The following ZNF536 variants were observed in gnomAD, a reference collection of about 807,000 sequenced individuals.
The protein encoded by ZNF536 is zinc finger protein 536.
ZNF536 carries 13 observed loss-of-function variants against 84.5 expected under a neutral mutation model. The observed-to-expected ratio is 0.15, with a 90% confidence interval of 0.10 to 0.24. ZNF536 has a LOEUF of 0.24. Among genes scored for constraint, ZNF536 ranks in the 10% least tolerant of loss-of-function variants. The pLI, the probability that ZNF536 is intolerant of heterozygous loss-of-function variation, is 1.00. For missense variants in ZNF536, 1,536 were observed against 1,747.5 expected, an observed-to-expected ratio of 0.88 and a Z score of 2.16; for synonymous variants, 811 against 742.5, an observed-to-expected ratio of 1.09 and a Z score of -1.50.
intron 2 of ZNF536, among the ~76,000 whole-genome samples, chr19:30,505,328 AAT>A (rs1301426744): frequency 6.8e-6 from 1 of 146,864 alleles, no homozygotes; most frequent in Non-Finnish European, 1.5e-5. Flanking sequence ...ATATTATTAT[AAT>A]ATATATTTTA....
At chr19:30,605,290 C>T (rs923596929) in intron 1 of ZNF536, among the ~76,000 whole-genome samples, 4 of 152,090 alleles carry the variant, frequency 2.6e-5, no homozygotes, top group South Asian at 2.1e-4. Context: ...ATCACCCAAG[C>T]AGAGTACCCC....
At chr19:30,540,015 G>A (rs1047192971) in intron 3 of ZNF536, among the ~76,000 whole-genome samples, 4 of 152,196 alleles carry the variant, frequency 2.6e-5, no homozygotes, top group Non-Finnish European at 5.9e-5. Flanking sequence ...TCTCCCTCTC[G>A]AGTTCTGTGA....
At chr19:30,505,040 G>C (rs1436700875) in intron 2 of ZNF536, among the ~76,000 whole-genome samples, 6 of 152,000 alleles carry the variant, frequency 3.9e-5, no homozygotes, top group Non-Finnish European at 1.5e-5. Context: ...ATAACAATGA[G>C]TATTGTATAT....
chr19:30,530,361 T>G (rs1350017427), intron 2 of ZNF536, among the ~76,000 whole-genome samples: 1 of 140,314 alleles, frequency 7.1e-6, no homozygotes, highest in Non-Finnish European at 1.6e-5. Flanking sequence ...TGTTGTTGTT[T>G]TTGAGATGGA....
intron 3 of ZNF536, among the ~76,000 whole-genome samples, chr19:30,364,241 C>T (rs2048358534): frequency 6.6e-6 from 1 of 152,000 alleles, no homozygotes; most frequent in Non-Finnish European, 1.5e-5. Context: ...AGAGAGTCAC[C>T]CTAGCCAGGC....
Position 30,444,130 on chromosome 19 carries a change from G to C in ZNF536, c.568G>C (p.Gly190Arg). The C allele has an allele frequency of 6.2e-7, 1 of 1,608,584 alleles. No homozygotes were observed. The highest frequency in any genetic ancestry group is 1.1e-5 in the South Asian group (1 of 90,564). Residue 190 changes from glycine (G) to arginine (R), a missense_variant, in exon 2 of 5, where the codon GGG becomes CGG. This residue lies in a region of ZNF536 where 138 missense variants were observed against 136.8 expected (regional missense o/e 1.01). Transcript: ENST00000355537. ...GCTGGGCAACCTGGGCAAGGGGCGTGGGCGTGTGCGCGAGGAGAACCGCCT... is the reference window on the plus strand; with the variant it reads ...GCTGGGCAACCTGGGCAAGGGGCGTCGGCGTGTGCGCGAGGAGAACCGCCT... ...HKLGNLGKGR[G>R]RVREENRLLH...
chr19:30,647,361 G>A (rs1375976586), intron 1 of ZNF536, among the ~76,000 whole-genome samples: 1 of 152,094 alleles, frequency 6.6e-6, no homozygotes, highest in Admixed American at 6.5e-5. Flanking sequence ...CCGTTTCCCT[G>A]GGTGTTTTTA....
intron 4 of ZNF536, among the ~76,000 whole-genome samples, chr19:30,552,883 A>G (rs1004717461): frequency 6.6e-5 from 10 of 152,180 alleles, no homozygotes; most frequent in Admixed American, 5.9e-4. Flanking sequence ...GACATATTAC[A>G]ATAATCCCAA....
chr19:30,552,028 G>A (rs1203859759), intron 4 of ZNF536, among the ~76,000 whole-genome samples: 1 of 151,516 alleles, frequency 6.6e-6, no homozygotes, highest in African/African-American at 2.4e-5. Flanking sequence ...AAATCCAAAT[G>A]GGCTGTTTTT....
rs556835599 is a variant in ZNF536, at chr19:30,617,333, C to CTTTTTTTTTTTTTTTTTTTTTTTTTTTTT, written c.169+67824_169+67852dup. 2.1e-4 allele frequency among the ~76,000 whole-genome samples: 8 copies of CTTTTTTTTTTTTTTTTTTTTTTTTTTTTT among 37,712 alleles called. 3 individuals are homozygous for CTTTTTTTTTTTTTTTTTTTTTTTTTTTTT. The highest frequency in any genetic ancestry group is 2.9e-4 in the Non-Finnish European group (5 of 16,966). The allele number at this position is 37,712 out of a possible 152,430, so 24.7% of individuals were successfully genotyped here. A position where few individuals can be genotyped will look rare whatever the true frequency, so the allele number is the denominator to read the frequency against. On this transcript the variant is annotated intron_variant, in intron 1 of 1. Transcript: ENST00000592773. Reference sequence around the variant, plus strand: ...GAGTCCACCATATCTGAATAGCTTACTTTTTTTTTTTTTTTTTTTTTTTTT... The same window carrying CTTTTTTTTTTTTTTTTTTTTTTTTTTTTT: ...GAGTCCACCATATCTGAATAGCTTACTTTTTTTTTTTTTTTTTTTTTTTTTTTTTTTTTTTTTTTTTTTTTTTTTTTTTT...
At chr19:30,510,582 G>T (rs190069461) in intron 2 of ZNF536, among the ~76,000 whole-genome samples, 1 of 152,220 alleles carries the variant, frequency 6.6e-6, no homozygotes, top group African/African-American at 2.4e-5. Flanking sequence ...CTACAGAGAC[G>T]CGGGGATCGC....
chr19:30,552,815 G>A (rs17223097), intron 4 of ZNF536, among the ~76,000 whole-genome samples: 11,108 of 152,232 alleles, frequency 0.073, 570 homozygotes, highest in Non-Finnish European at 0.12. Flanking sequence ...AGTGTCGAGA[G>A]CTTCAGTGGG....
intron 1 of ZNF536, among the ~76,000 whole-genome samples, chr19:30,696,725 G>A (rs764873293): frequency 5.3e-5 from 8 of 152,332 alleles, no homozygotes; most frequent in Non-Finnish European, 8.8e-5. Flanking sequence ...GCCCCAGGAA[G>A]AGTAGCCCTG....
At chr19:30,374,465 A>G (rs1254998679) in intron 1 of ZNF536, among the ~76,000 whole-genome samples, 2 of 152,022 alleles carry the variant, frequency 1.3e-5, no homozygotes, top group East Asian at 3.9e-4. Flanking sequence ...AGTAGTGCTA[A>G]GAGAACAGAG....
intron 1 of ZNF536, among the ~76,000 whole-genome samples, chr19:30,595,823 A>G (rs1381982535): frequency 6.6e-6 from 1 of 152,122 alleles, no homozygotes; most frequent in Non-Finnish European, 1.5e-5. Flanking sequence ...AAGTCTCTGA[A>G]ACAAGCCTTT....
At chr19:30,583,097 C>T (rs900300734) in intron 1 of ZNF536, among the ~76,000 whole-genome samples, 2 of 152,186 alleles carry the variant, frequency 1.3e-5, no homozygotes, top group African/African-American at 4.8e-5. Flanking sequence ...AAGTAAGCCC[C>T]AGACCTCTGT....
intron 2 of ZNF536, among the ~76,000 whole-genome samples, chr19:30,349,295 G>A (rs1169694068): frequency 6.6e-6 from 1 of 152,202 alleles, no homozygotes; most frequent in Non-Finnish European, 1.5e-5. Flanking sequence ...ACACATGCAG[G>A]CTGGCCTGGG....
chr19:30,660,865 A>G (rs2050097777), intron 1 of ZNF536, among the ~76,000 whole-genome samples: 1 of 152,236 alleles, frequency 6.6e-6, no homozygotes, highest in Non-Finnish European at 1.5e-5. Flanking sequence ...AAATATATTT[A>G]TGTGCATGTG....
intron 1 of ZNF536, among the ~76,000 whole-genome samples, chr19:30,283,681 G>A (rs972678440): frequency 6.6e-6 from 1 of 152,018 alleles, no homozygotes; most frequent in Non-Finnish European, 1.5e-5. Flanking sequence ...GGACCCTTGG[G>A]TACTTCTTCA....
Sources: gnomAD v4.1 joint callset for allele counts (sites outside exome capture counted in the v4.1 genomes callset) on GRCh38, gnomAD v4.1.1 for gene constraint, gnomAD v4.1.1 regional missense constraint, MANE v1.5 for transcripts, NCBI Gene and HGNC (gene_info 2026-07-23, HGNC 2026-07-21) for gene names.